IP6K1: variants seen among roughly 807,000 people sequenced by gnomAD.
IP6K1 encodes the protein inositol hexakisphosphate kinase 1.
IP6K1 carries 13 observed loss-of-function variants against 38.3 expected under a neutral mutation model. That is an observed-to-expected ratio of 0.34 (90% CI 0.22 to 0.54). The LOEUF (loss-of-function observed/expected upper bound fraction) is 0.54, where lower values mean the gene tolerates loss of function less well. IP6K1 is among the 20% of genes least tolerant of loss of function. The pLI, the probability that IP6K1 is intolerant of heterozygous loss-of-function variation, is 0.92. For synonymous variants in IP6K1, 212 were observed against 229.9 expected, an observed-to-expected ratio of 0.92 and a Z score of 0.70; for missense variants, 397 against 599.8, an observed-to-expected ratio of 0.66 and a Z score of 3.53.
At position 49,724,597 on chromosome 3, in the gene IP6K1, A is replaced by AT. The variant is rs1195218885; in HGVS notation, c.*2524dup. 10 of 152,568 alleles carry AT rather than the reference A, an allele frequency of 6.6e-5. No individual in the cohort carries two copies. The highest frequency in any genetic ancestry group is 4.6e-4 in the Admixed American group (7 of 15,288). The allele number at this position is 152,568 out of a possible 1,614,324, so 9.5% of individuals were successfully genotyped here. A position where few individuals can be genotyped will look rare whatever the true frequency, so the allele number is the denominator to read the frequency against. ...CATTATTTTTTCCTCATTAAAATAT[A>AT]TTTTAAGTCAGCACAAACATAACCA... is the stretch of plus-strand genomic sequence containing the variant. On this transcript the variant is annotated 3_prime_UTR_variant, in exon 6 of 6. Transcript: ENST00000321599.
chr3:49,755,072 A>C (rs1211280423), intron 1 of IP6K1, among the ~76,000 whole-genome samples: 1 of 150,146 alleles, frequency 6.7e-6, no homozygotes, highest in African/African-American at 2.5e-5. Context: ...AGTTGAAAAC[A>C]CAGGTGTGTG....
At position 49,786,106 on chromosome 3, in the gene IP6K1, G is replaced by A. The variant is rs1417181585; in HGVS notation, c.-129+248C>T. 3 of 152,314 alleles carry A rather than the reference G, an allele frequency of 2.0e-5. No individual in the cohort carries two copies. In the East Asian group the frequency reaches 5.8e-4, roughly 29 times the overall value. 9.4% of individuals were successfully genotyped at this position (152,314 alleles called of 1,614,324 possible). A position where few individuals can be genotyped will look rare whatever the true frequency, so the allele number is the denominator to read the frequency against. On this transcript the variant is annotated intron_variant, in intron 1 of 5. Transcript: ENST00000321599. ...GTCCAGAGCTTCGGTCAGAGAAGCT[G>A]GTTTCCCGCTACTAGCCGGCCAACC...
At chr3:49,744,873 GAA>G (rs2080707410) in intron 2 of IP6K1, among the ~76,000 whole-genome samples, 1 of 152,120 alleles carries the variant, frequency 6.6e-6, no homozygotes, top group African/African-American at 2.4e-5. Flanking sequence ...ATTAAGCTAA[GAA>G]AAAGTGTCAA....
At chr3:49,733,059 A>T in intron 3 of IP6K1, 87 bp from the exon 4 acceptor site, 2 of 987,818 alleles carry the variant, frequency 2.0e-6, no homozygotes, top group South Asian at 1.6e-5. Flanking sequence ...ATCTGTCCAC[A>T]ATGACAGACC....
Position 49,786,516 on chromosome 3 carries a change from G to C in IP6K1, c.-291C>G, listed in dbSNP as rs1024882553. ...TCCAGCTCCCGGCGCTGCCCACTGG[G>C]TACGGATCAACAACAAGATGGCGGC... On this transcript the variant is annotated 5_prime_UTR_variant, in exon 1 of 6. Coordinates refer to ENST00000321599, the MANE Select transcript of IP6K1 (RefSeq NM_153273.4). 1 of 152,688 alleles carries C rather than the reference G, an allele frequency of 6.5e-6. No homozygotes were observed. The highest frequency in any genetic ancestry group is 1.5e-5 in the Non-Finnish European group (1 of 68,312). 9.5% of individuals were successfully genotyped at this position (152,688 alleles called of 1,614,324 possible).
At chr3:49,732,596 T>C (rs2080572146) in intron 4 of IP6K1, among the ~76,000 whole-genome samples, 195 bp downstream of exon 4, 1 of 152,202 alleles carries the variant, frequency 6.6e-6, no homozygotes, top group African/African-American at 2.4e-5. Context: ...AGTTTTAAGC[T>C]TCGGCCTTAC....
At chr3:49,770,059 C>A (rs547647220) in intron 1 of IP6K1, among the ~76,000 whole-genome samples, 173 of 152,106 alleles carry the variant, frequency 1.1e-3, no homozygotes, top group African/African-American at 4.0e-3. Context: ...AAAACTAGCC[C>A]TGCATGGTGG....
chr3:49,757,389 T>C (rs1349934502), intron 1 of IP6K1, among the ~76,000 whole-genome samples: 1 of 152,230 alleles, frequency 6.6e-6, no homozygotes, highest in Non-Finnish European at 1.5e-5. Context: ...CACACCTCCC[T>C]ACTGGGGAAT....
chr3:49,742,723 A>G (rs1416819981), intron 2 of IP6K1, among the ~76,000 whole-genome samples: 2 of 151,226 alleles, frequency 1.3e-5, no homozygotes, highest in Non-Finnish European at 2.9e-5. Flanking sequence ...ACATGGTGAG[A>G]CCCTGTCTCT....
intron 4 of IP6K1, among the ~76,000 whole-genome samples, chr3:49,729,444 G>A (rs2080545042): frequency 6.7e-6 from 1 of 149,660 alleles, no homozygotes; most frequent in Admixed American, 6.7e-5. Context: ...AGTTTCGCTC[G>A]TTGCCCAGGC....
At chr3:49,749,050 A>C (rs1340051408) in intron 1 of IP6K1, 1 of 152,194 alleles carries the variant, frequency 6.6e-6, no homozygotes, top group Non-Finnish European at 1.5e-5. Flanking sequence ...ATCTAATGCC[A>C]CCGCTGGTCT....
chr3:49,767,732 C>T (rs1476940533), intron 1 of IP6K1, among the ~76,000 whole-genome samples: 1 of 152,050 alleles, frequency 6.6e-6, no homozygotes, highest in South Asian at 2.1e-4. Flanking sequence ...ATAGTGAGAT[C>T]CCATCTCTAT....
In IP6K1 at chr3:49,728,360, G is replaced by A. The variant is rs1575301653; in HGVS notation, c.617-82C>T. 1.2e-5 allele frequency: 17 copies of A among 1,413,632 alleles called. No homozygotes were observed. The East Asian group carries it at 3.7e-4, about 31-fold the overall frequency. 87.6% of individuals were successfully genotyped at this position (1,413,632 alleles called of 1,614,324 possible). The stretch of plus-strand genomic sequence containing the variant: ...AGCACAACCCAGTTTTTCTATAAAA[G>A]GGGGCTTTTACCTAATGCAGTATGT... On this transcript the variant is annotated intron_variant, in intron 4 of 5. Coordinates refer to ENST00000321599, the MANE Select transcript of IP6K1 (RefSeq NM_153273.4).
intron 1 of IP6K1, among the ~76,000 whole-genome samples, chr3:49,756,493 T>C (rs534998843): frequency 6.6e-6 from 1 of 152,142 alleles, no homozygotes; most frequent in South Asian, 2.1e-4. Flanking sequence ...TTCAAAGTGA[T>C]ACAGGGGAAA....
Position 49,727,447 on chromosome 3 carries a change from G to C in IP6K1, c.1001C>G (p.Ser334Cys). ...RQASYRFYSS[S>C]LLVIYDGKEC... is the part of the protein sequence containing the mutation. ...CTTGCCATCATAGATGACAAGCAGG[G>C]AACTGGAGTAGAAGCGGTAAGAGGC... is the stretch of plus-strand genomic sequence containing the variant. The change falls in exon 6 of 6, where the codon TCC becomes TGC. Residue 334 changes from serine (S) to cysteine (C), a missense_variant. Around this residue, in one of 3 missense-constraint regions of IP6K1, gnomAD observed 164 missense variants for 213.5 expected, o/e 0.77. Transcript: ENST00000321599. This position sits in a 1 kb window ranked among gnomAD's most constrained non-coding sequence, Gnocchi z 5.9. 1 of 1,614,110 alleles carries C rather than the reference G, an allele frequency of 6.2e-7. No homozygotes were observed. The highest frequency in any genetic ancestry group is 8.5e-7 in the Non-Finnish European group (1 of 1,180,038).
chr3:49,775,608 G>A, intron 1 of IP6K1: 1 of 924,232 alleles, frequency 1.1e-6, no homozygotes, highest in South Asian at 2.1e-5. Flanking sequence ...GCTTCAAGAA[G>A]AGGTGATTGG....
intron 1 of IP6K1, among the ~76,000 whole-genome samples, chr3:49,778,725 A>G (rs913039013): frequency 6.6e-6 from 1 of 152,068 alleles, no homozygotes. Flanking sequence ...TCCCAGACAC[A>G]AGCGATCCTC....
intron 1 of IP6K1, among the ~76,000 whole-genome samples, chr3:49,770,927 A>G (rs1350497063): frequency 6.6e-6 from 1 of 151,892 alleles, no homozygotes; most frequent in Admixed American, 6.6e-5. Flanking sequence ...CTGGGCAAAT[A>G]TGCTGAGACC....
At chr3:49,754,940 T>TG (rs1274924577) in intron 1 of IP6K1, among the ~76,000 whole-genome samples, 2 of 151,472 alleles carry the variant, frequency 1.3e-5, no homozygotes, top group African/African-American at 4.9e-5. Context: ...TTTTTTTTTT[T>TG]GAGACAGGGT....
Sources: allele counts gnomAD v4.1 joint callset (sites outside exome capture counted in the v4.1 genomes callset), GRCh38; gene constraint gnomAD v4.1.1; regional missense constraint gnomAD v4.1.1; non-coding constraint Gnocchi (gnomAD v3.1); transcripts MANE v1.5; gene names NCBI Gene and HGNC (gene_info 2026-07-23, HGNC 2026-07-21).